UQCRC2: variants seen among roughly 807,000 people sequenced by gnomAD.
UQCRC2 encodes the protein cytochrome b-c1 complex subunit 2, mitochondrial.
In UQCRC2, 49 loss-of-function variants were observed where a neutral mutation model predicts 55.6. The ratio of observed to expected loss-of-function variants is 0.88; its 90% CI spans 0.70 to 1.12. UQCRC2 has a LOEUF of 1.12. UQCRC2 is among the 50% of genes most tolerant of loss of function. The pLI, the probability that UQCRC2 is intolerant of heterozygous loss-of-function variation, is 0.00. For synonymous variants in UQCRC2, 193 were observed against 192.0 expected, an observed-to-expected ratio of 1.01 and a Z score of -0.04; for missense variants, 506 against 547.8, an observed-to-expected ratio of 0.92 and a Z score of 0.76.
chr16:21,980,358 CA>C (rs1380911799), intron 12 of UQCRC2, 188 bp from the exon 13 acceptor site: 2 of 642,848 alleles, frequency 3.1e-6, no homozygotes, highest in African/African-American at 3.7e-5. Context: ...TTCTTCCCTT[CA>C]GACTTACTGT....
At chr16:21,959,267 T>G in intron 4 of UQCRC2, 1 of 160,452 alleles carries the variant, frequency 6.2e-6, no homozygotes, top group Non-Finnish European at 1.4e-5. Flanking sequence ...TCAAAATTAG[T>G]CAGTCATCTC....
At position 21,970,038 on chromosome 16, in the gene UQCRC2, G is replaced by A. The variant is rs186195355; in HGVS notation, c.670+1353G>A. On this transcript the variant is annotated intron_variant, in intron 8 of 13. Transcript: ENST00000268379. ...TGTCTCTATAGATTTGACTATTCTG[G>A]ACATTTCCTATAAATGGAGTCATAC... Among the ~76,000 whole-genome samples, 3 of 151,930 alleles carry A rather than the reference G, an allele frequency of 2.0e-5. No individual in the cohort carries two copies. In the East Asian group the frequency reaches 5.8e-4, roughly 29 times the overall value.
chr16:21,957,702 T>A, intron 3 of UQCRC2, 136 bp downstream of exon 3: 3 of 1,281,408 alleles, frequency 2.3e-6, no homozygotes, highest in Non-Finnish European at 3.2e-6. Context: ...CTGGGTAGCT[T>A]AAACCAAATA....
intron 1 of UQCRC2, among the ~76,000 whole-genome samples, chr16:21,954,456 T>A (rs1242201666): frequency 2.0e-5 from 3 of 152,182 alleles, no homozygotes; most frequent in African/African-American, 4.8e-5. Context: ...ACCTTCCAGG[T>A]ATACCTAGAC....
In UQCRC2 at chr16:21,962,863, G is replaced by A. The variant is rs999020307; in HGVS notation, c.492G>A (p.Val164=). 6.2e-7 allele frequency: 1 copy of A among 1,614,008 alleles called. No individual in the cohort carries two copies. The highest frequency in any genetic ancestry group is 8.5e-7 in the Non-Finnish European group (1 of 1,180,018). Residue 164 remains valine (V), a synonymous_variant, in exon 6 of 14, where the codon GTG becomes GTA. Transcript: ENST00000268379. ...LQPQLKIDKA[V]AFQNPQTHVI... ...CTCAGCTAAAGATTGACAAAGCTGT[G>A]GCCTTTCAGAATCCGCAGACTCGTA... is the stretch of plus-strand genomic sequence containing the variant.
At chr16:21,980,377 TG>T in intron 12 of UQCRC2, 169 bp from the exon 13 acceptor site, 1 of 706,382 alleles carries the variant, frequency 1.4e-6, no homozygotes, top group South Asian at 2.0e-5. Context: ...TGTTTTAGTA[TG>T]TTCCAGAGAA....
At chr16:21,957,151 G>T in intron 1 of UQCRC2, 84 bp from the exon 2 acceptor site, 1 of 1,351,354 alleles carries the variant, frequency 7.4e-7, no homozygotes, top group Admixed American at 1.9e-5. Context: ...ACCCTCTGTC[G>T]CTTGGGTACC....
intron 1 of UQCRC2, 131 bp from the exon 2 acceptor site, chr16:21,957,104 C>T (rs1898097910): frequency 1.4e-6 from 1 of 729,004 alleles, no homozygotes; most frequent in Admixed American, 2.8e-5. Flanking sequence ...GGTAAATCCT[C>T]CCATGGAGGT....
rs372070369 is a variant in UQCRC2 at position 21,971,635 on chromosome 16, C to A, written c.766+15C>A. On this transcript the variant is annotated intron_variant, in intron 9 of 13. Transcript: ENST00000268379. ...CTACCGTGGAGGTAAGCATTTCATT[C>A]TATTAGGGTTAATTTATCAGAAGGG... The A allele has an allele frequency of 2.5e-6, 4 of 1,610,538 alleles. No homozygotes were observed. In the South Asian group the frequency reaches 4.4e-5, roughly 18 times the overall value.
chr16:21,973,943 T>G lies in UQCRC2; in HGVS notation c.1014T>G (p.Ile338Met), dbSNP rs896150573. The change falls in exon 11 of 14, where the codon ATT becomes ATG. Residue 338 changes from isoleucine to methionine, a missense_variant. Physicochemically the swap from Ile to Met is conservative, Grantham distance 10. Transcript: ENST00000268379. Reference protein sequence around the residue: ...ASYSDSGLFGIYTISQATAAG... With the variant: ...ASYSDSGLFGMYTISQATAAG... ...ACTCAGATTCTGGACTCTTTGGGAT[T>G]TATACTATCTCCCAGGCCACAGCTG... is the stretch of plus-strand genomic sequence containing the variant. 1 of 1,611,998 alleles carries G rather than the reference T, an allele frequency of 6.2e-7. No homozygotes were observed.
In UQCRC2 at chr16:21,953,419, G is replaced by A; in HGVS notation, c.-5G>A. The A allele has an allele frequency of 6.2e-7, 1 of 1,613,158 alleles. No individual in the cohort carries two copies. The highest frequency in any genetic ancestry group is 1.1e-5 in the South Asian group (1 of 90,750). On this transcript the variant is annotated 5_prime_UTR_variant, in exon 1 of 14. Transcript: ENST00000268379. ...AGTGACCGTGTGTCAGAACAATCTT[G>A]AATCATGAAGCTACTAACCAGAGCC...
At chr16:21,975,998 A>C (rs1480112110) in intron 11 of UQCRC2, among the ~76,000 whole-genome samples, 169 bp from the exon 12 acceptor site, 1 of 152,146 alleles carries the variant, frequency 6.6e-6, no homozygotes, top group Non-Finnish European at 1.5e-5. Context: ...CTTTATGAAC[A>C]TAGGAAGAAT....
intron 7 of UQCRC2, among the ~76,000 whole-genome samples, chr16:21,967,065 T>C (rs1898344917): frequency 6.6e-6 from 1 of 152,202 alleles, no homozygotes; most frequent in Non-Finnish European, 1.5e-5. Flanking sequence ...ATCAAGATGT[T>C]AACTGTGATA....
At chr16:21,981,024 A>G (rs1407167496) in intron 13 of UQCRC2, among the ~76,000 whole-genome samples, 1 of 152,196 alleles carries the variant, frequency 6.6e-6, no homozygotes, top group Non-Finnish European at 1.5e-5. Context: ...AACTAATGGT[A>G]GTTTATAAAA....
At chr16:21,971,480 T>C in intron 8 of UQCRC2, 45 bp from the exon 9 acceptor site, 6 of 1,447,688 alleles carry the variant, frequency 4.1e-6, no homozygotes, top group Non-Finnish European at 5.7e-6. Context: ...CGATTGTGTT[T>C]TAGTAATTGT....
intron 4 of UQCRC2, among the ~76,000 whole-genome samples, chr16:21,959,108 AGGT>A (rs1465757786): frequency 6.6e-6 from 1 of 152,156 alleles, no homozygotes; most frequent in Non-Finnish European, 1.5e-5. Flanking sequence ...TGACTGATCA[AGGT>A]GGTGGTTGCT....
chr16:21,962,076 C>T (rs550793601), intron 4 of UQCRC2: 36 of 178,660 alleles, frequency 2.0e-4, no homozygotes, highest in African/African-American at 7.5e-4. Flanking sequence ...AATGGCTGCT[C>T]ATTCTCCCCT....
intron 13 of UQCRC2, 79 bp downstream of exon 13, chr16:21,980,779 TCC>T: frequency 6.5e-7 from 1 of 1,533,232 alleles, no homozygotes; most frequent in Non-Finnish European, 8.9e-7. Flanking sequence ...TGCATAAGCG[TCC>T]TTGGGCAGTG....
At chr16:21,961,453 A>G (rs1443168550) in intron 4 of UQCRC2, 1 of 250,440 alleles carries the variant, frequency 4.0e-6, no homozygotes, top group Non-Finnish European at 8.5e-6. Context: ...GCAAGTTTCA[A>G]GATTTCTTTA....
Sources: gnomAD v4.1 joint callset for allele counts (sites outside exome capture counted in the v4.1 genomes callset) on GRCh38, gnomAD v4.1.1 for gene constraint, MANE v1.5 for transcripts, NCBI Gene and HGNC (gene_info 2026-07-23, HGNC 2026-07-21) for gene names.